Variants in KCTD16 observed in about 807,000 individuals in gnomAD.
The protein encoded by KCTD16 is BTB/POZ domain-containing protein KCTD16.
A neutral mutation model predicts 33.2 loss-of-function variants in KCTD16; 13 were observed. The observed-to-expected ratio is 0.39, with a 90% CI of 0.25 to 0.62. The LOEUF is 0.62. Among genes scored for constraint, KCTD16 ranks in the 20% least tolerant of loss-of-function variants. KCTD16 has a pLI of 0.50. For synonymous variants in KCTD16, 197 were observed against 195.3 expected (o/e 1.01, Z -0.07); for missense variants, 441 against 525.1 (o/e 0.84, Z 1.57).
At chr5:144,322,727 T>TAA (rs74273623) in intron 3 of KCTD16, among the ~76,000 whole-genome samples, 15 of 134,620 alleles carry the variant, frequency 1.1e-4, no homozygotes, top group African/African-American at 2.8e-4. Context: ...TAAACTTTAT[T>TAA]AAAAAAAAAA....
intron 3 of KCTD16, among the ~76,000 whole-genome samples, chr5:144,437,233 A>G (rs191439291): frequency 6.6e-5 from 10 of 152,246 alleles, no homozygotes; most frequent in Non-Finnish European, 1.3e-4. Flanking sequence ...TCTGGGAGTA[A>G]TCAACTCACC....
At chr5:144,391,226 C>T (rs540355274) in intron 3 of KCTD16, among the ~76,000 whole-genome samples, 39 of 152,286 alleles carry the variant, frequency 2.6e-4, no homozygotes, top group African/African-American at 9.1e-4. Context: ...TAACTCCTAC[C>T]AAGCACCACA....
chr5:144,455,223 TGG>T (rs1561614321), intron 3 of KCTD16, among the ~76,000 whole-genome samples: 1 of 151,870 alleles, frequency 6.6e-6, no homozygotes, highest in Non-Finnish European at 1.5e-5. Flanking sequence ...GAGAGGCAAG[TGG>T]AGAGTCTCAC....
At chr5:144,451,748 G>A (rs914042759) in intron 3 of KCTD16, among the ~76,000 whole-genome samples, 2 of 152,082 alleles carry the variant, frequency 1.3e-5, no homozygotes, top group African/African-American at 4.8e-5. Flanking sequence ...TGAGTTTGAG[G>A]GACTTTGTAC....
intron 3 of KCTD16, among the ~76,000 whole-genome samples, chr5:144,309,427 A>G (rs768355065): frequency 1.1e-4 from 16 of 152,052 alleles, no homozygotes; most frequent in Non-Finnish European, 2.2e-4. Flanking sequence ...ATTGCTTGTA[A>G]AACTCAGGCG....
At chr5:144,268,849 A>G (rs1755219087) in intron 3 of KCTD16, among the ~76,000 whole-genome samples, 2 of 152,172 alleles carry the variant, frequency 1.3e-5, no homozygotes, top group Admixed American at 1.3e-4. Context: ...GGGAAACTCA[A>G]GAAAACAATG....
intron 3 of KCTD16, among the ~76,000 whole-genome samples, chr5:144,421,585 T>C (rs568145132): frequency 9.9e-5 from 15 of 152,212 alleles, no homozygotes; most frequent in African/African-American, 3.4e-4. Context: ...GCTGAAGGAA[T>C]TTGTTTTTTC....
At chr5:144,298,312 C>T (rs992295425) in intron 3 of KCTD16, among the ~76,000 whole-genome samples, 1 of 152,126 alleles carries the variant, frequency 6.6e-6, no homozygotes, top group Non-Finnish European at 1.5e-5. Context: ...AAGGACCCCT[C>T]GGTAACACCA....
intron 3 of KCTD16, among the ~76,000 whole-genome samples, chr5:144,364,665 G>T (rs896803281): frequency 6.6e-6 from 1 of 152,204 alleles, no homozygotes; most frequent in Non-Finnish European, 1.5e-5. Context: ...ACCATGTACT[G>T]CAATTATGTA....
intron 3 of KCTD16, among the ~76,000 whole-genome samples, chr5:144,350,169 A>G (rs1751379912): frequency 6.6e-6 from 1 of 152,178 alleles, no homozygotes; most frequent in South Asian, 2.1e-4. Flanking sequence ...AAATACTAGC[A>G]TTAAGAAAGC....
At chr5:144,294,139 A>G (rs1430404672) in intron 3 of KCTD16, among the ~76,000 whole-genome samples, 1 of 151,132 alleles carries the variant, frequency 6.6e-6, no homozygotes, top group Non-Finnish European at 1.5e-5. Context: ...AGCCTGAATG[A>G]CAGAGTGAGA....
chr5:144,349,458 T>C (rs1484363813), intron 3 of KCTD16, among the ~76,000 whole-genome samples: 2 of 152,254 alleles, frequency 1.3e-5, no homozygotes, highest in African/African-American at 2.4e-5. Flanking sequence ...GAAAAAGTTA[T>C]AGATGCTATA....
intron 3 of KCTD16, among the ~76,000 whole-genome samples, chr5:144,358,978 T>C (rs1408927308): frequency 1.3e-5 from 2 of 152,172 alleles, no homozygotes; most frequent in African/African-American, 4.8e-5. Flanking sequence ...GTGCAGCTTA[T>C]CAAATACTAA....
intron 3 of KCTD16, among the ~76,000 whole-genome samples, chr5:144,462,070 G>A (rs140205609): frequency 1.3e-5 from 2 of 152,190 alleles, no homozygotes; most frequent in African/African-American, 4.8e-5. Context: ...TGATTCCGTT[G>A]TCATGGCCTA....
At chr5:144,256,619 T>G (rs1339362610) in intron 3 of KCTD16, among the ~76,000 whole-genome samples, 1 of 148,570 alleles carries the variant, frequency 6.7e-6, no homozygotes, top group African/African-American at 2.5e-5. Context: ...TTTTTTTTGT[T>G]TTTTTTTTTT....
chr5:144,214,499 G>A lies in KCTD16; in HGVS notation c.832+6953G>A, dbSNP rs146944840. 2.5e-3 allele frequency among the ~76,000 whole-genome samples: 375 copies of A among 152,114 alleles called. 1 individual carries two copies. The highest frequency in any genetic ancestry group is 8.7e-3 in the African/African-American group (361 of 41,496). On this transcript the variant is annotated intron_variant, in intron 3 of 3. Coordinates refer to ENST00000512467, the MANE Select transcript of KCTD16 (RefSeq NM_020768.4). ...ATGAACCACATCCTTTTGTGAAATCGCTTCTGCTTCCCTCCTCAGCCTCTA... is the reference window on the plus strand; with the variant it reads ...ATGAACCACATCCTTTTGTGAAATCACTTCTGCTTCCCTCCTCAGCCTCTA...
intron 3 of KCTD16, among the ~76,000 whole-genome samples, chr5:144,361,508 T>C (rs545655260): frequency 1.3e-5 from 2 of 152,330 alleles, no homozygotes; most frequent in South Asian, 4.1e-4. Context: ...CAAGTCTCCA[T>C]GATTTCAGGA....
chr5:144,458,642 A>G (rs2126990450), intron 3 of KCTD16, among the ~76,000 whole-genome samples: 1 of 152,320 alleles, frequency 6.6e-6, no homozygotes, highest in East Asian at 1.9e-4. Context: ...TCCAATAGAA[A>G]TCTATTAGAG....
At chr5:144,314,323 C>G (rs1751848568) in intron 3 of KCTD16, among the ~76,000 whole-genome samples, 2 of 152,054 alleles carry the variant, frequency 1.3e-5, no homozygotes, top group African/African-American at 4.8e-5. Flanking sequence ...TCTGCCACAG[C>G]AAATTGAGAT....
Sources: allele counts gnomAD v4.1 joint callset (sites outside exome capture counted in the v4.1 genomes callset), GRCh38; gene constraint gnomAD v4.1.1; transcripts MANE v1.5; gene names NCBI Gene and HGNC (gene_info 2026-07-23, HGNC 2026-07-21).